Variants in FRMD5 observed in about 807,000 individuals in gnomAD.
The protein encoded by FRMD5 is FERM domain containing 5, also known as FERM domain-containing protein 5.
Under a neutral mutation model 69.0 loss-of-function variants are expected in FRMD5, and 20 were observed. The ratio of observed to expected loss-of-function variants is 0.29; its 90% CI spans 0.20 to 0.42. FRMD5 has a LOEUF of 0.42. FRMD5 is among the 10% of genes least tolerant of loss of function. The pLI is 1.00. For missense variants in FRMD5, 595 were observed against 708.6 expected (o/e 0.84, Z 1.82); for synonymous variants, 271 against 260.1 (o/e 1.04, Z -0.40).
chr15:44,019,778 GAAAAAAGAAAGAAAGAA>G (rs1174495649), intron 1 of FRMD5, among the ~76,000 whole-genome samples: 1 of 105,294 alleles, frequency 9.5e-6, no homozygotes, highest in African/African-American at 3.6e-5. Context: ...GAAAAGAAAA[GAAAAAAGAAAGAAAGAA>G]AAAAAAGAAC....
chr15:44,193,762 C>T (rs2078234151), intron 1 of FRMD5, among the ~76,000 whole-genome samples: 1 of 152,242 alleles, frequency 6.6e-6, no homozygotes, highest in African/African-American at 2.4e-5. Context: ...TGCTCTCATA[C>T]ACTACCCAGT....
intron 8 of FRMD5, among the ~76,000 whole-genome samples, chr15:43,889,281 C>T (rs2088740355): frequency 6.6e-6 from 1 of 152,144 alleles, no homozygotes; most frequent in Non-Finnish European, 1.5e-5. Flanking sequence ...CAAGATACAG[C>T]AAATAATGAG....
Position 43,989,993 on chromosome 15 carries a change from T to C in FRMD5, c.103-65684A>G, listed in dbSNP as rs1889593152. 11 of 977,116 alleles carry C rather than the reference T, an allele frequency of 1.1e-5. No homozygotes were observed. In the Admixed American group the frequency reaches 1.4e-4, roughly 12 times the overall value. The allele number at this position is 977,116 out of a possible 1,614,324, so 60.5% of individuals were successfully genotyped here. On this transcript the variant is annotated intron_variant, in intron 1 of 13. Transcript: ENST00000417257. The stretch of plus-strand genomic sequence containing the variant: ...TTGATGGGGTACTTCAGGGTCAGGA[T>C]GCCTCTCTTGCTCTGGACCTCGTTG...
chr15:44,027,569 T>C (rs1243887263), intron 1 of FRMD5, among the ~76,000 whole-genome samples: 1 of 152,042 alleles, frequency 6.6e-6, no homozygotes, highest in African/African-American at 2.4e-5. Context: ...GCCCTGATTT[T>C]GGTCATGCCA....
intron 1 of FRMD5, among the ~76,000 whole-genome samples, chr15:44,009,333 G>C (rs1890608332): frequency 6.6e-6 from 1 of 152,176 alleles, no homozygotes; most frequent in Non-Finnish European, 1.5e-5. Context: ...CTTTGTAGGA[G>C]TGAAAAAGAA....
chr15:44,150,272 T>G (rs1163604042), intron 1 of FRMD5, among the ~76,000 whole-genome samples: 1 of 152,138 alleles, frequency 6.6e-6, no homozygotes, highest in African/African-American at 2.4e-5. Context: ...CTCTCACCAC[T>G]GCTATTTAAT....
intron 1 of FRMD5, among the ~76,000 whole-genome samples, chr15:44,040,279 G>A (rs1009478370): frequency 5.3e-5 from 8 of 152,048 alleles, no homozygotes; most frequent in Admixed American, 3.9e-4. Flanking sequence ...AACCTAACAA[G>A]GCATGCCAAC....
rs1438965728 is a variant in FRMD5 at position 44,035,640 on chromosome 15, G to A, written c.103-111331C>T. 1.4e-4 allele frequency among the ~76,000 whole-genome samples: 21 copies of A among 152,310 alleles called. No homozygotes were observed. In the South Asian group the frequency reaches 4.3e-3, roughly 32 times the overall value. ...TTATTAATGTTGCTAGGGTAAAACA[G>A]AAGTAATAAAATTTGGAGACCCTTT... is the stretch of plus-strand genomic sequence containing the variant. On this transcript the variant is annotated intron_variant, in intron 1 of 13. Transcript: ENST00000417257.
intron 1 of FRMD5, among the ~76,000 whole-genome samples, chr15:44,010,451 G>A (rs1489520905): frequency 6.8e-6 from 1 of 146,856 alleles, no homozygotes; most frequent in Non-Finnish European, 1.5e-5. Flanking sequence ...AAGCTGGAGT[G>A]CAGTGGCACG....
At position 43,976,263 on chromosome 15, in the gene FRMD5, T is replaced by C. The variant is rs78757725; in HGVS notation, c.103-51954A>G. ...ACACAACCCATAAAAAACAAATAAA[T>C]GTCTACTCATAAAATAAATGGATAT... On this transcript the variant is annotated intron_variant, in intron 1 of 13. Transcript: ENST00000417257. 2.3e-3 allele frequency among the ~76,000 whole-genome samples: 353 copies of C among 152,116 alleles called. 7 individuals are homozygous for C. The East Asian group carries it at 0.06, about 26-fold the overall frequency.
At chr15:43,887,770 C>A (rs1020561698) in intron 10 of FRMD5, among the ~76,000 whole-genome samples, 3 of 152,198 alleles carry the variant, frequency 2.0e-5, no homozygotes, top group African/African-American at 7.2e-5. Flanking sequence ...GCAGGGCTCA[C>A]CCCAGGTAGA....
intron 1 of FRMD5, among the ~76,000 whole-genome samples, chr15:44,192,424 A>G (rs1354458003): frequency 6.6e-6 from 1 of 152,224 alleles, no homozygotes; most frequent in Admixed American, 6.5e-5. Context: ...AATATGGCAT[A>G]CAACACTTTA....
chr15:44,179,955 T>C (rs559337312), intron 1 of FRMD5, among the ~76,000 whole-genome samples: 9 of 150,886 alleles, frequency 6.0e-5, no homozygotes, highest in African/African-American at 2.0e-4. Flanking sequence ...GGGAGGATCA[T>C]TTGAGGCCAG....
chr15:44,110,765 C>T (rs1034129479), intron 1 of FRMD5, among the ~76,000 whole-genome samples: 42 of 152,190 alleles, frequency 2.8e-4, no homozygotes, highest in African/African-American at 1.0e-3. Context: ...CACTTCCTTG[C>T]CTTATGATCT....
At chr15:44,186,461 A>C (rs1297178666) in intron 1 of FRMD5, among the ~76,000 whole-genome samples, 1 of 152,178 alleles carries the variant, frequency 6.6e-6, no homozygotes, top group Non-Finnish European at 1.5e-5. Flanking sequence ...AATTTGCCTG[A>C]CTAAGGAGTG....
intron 1 of FRMD5, among the ~76,000 whole-genome samples, chr15:43,999,963 T>TATATATATATATGCCATGC (rs1890124985): frequency 1.3e-5 from 1 of 75,990 alleles, no homozygotes; most frequent in African/African-American, 7.6e-5. Context: ...CATATATATA[T>TATATATATATATGCCATGC]ATATATATAT....
At chr15:43,986,226 C>T (rs1193965179) in intron 1 of FRMD5, among the ~76,000 whole-genome samples, 1 of 152,158 alleles carries the variant, frequency 6.6e-6, no homozygotes, top group Admixed American at 6.5e-5. Context: ...AGTTAATGCA[C>T]AAACAACAAA....
chr15:44,011,477 G>T (rs1477483195), intron 1 of FRMD5, among the ~76,000 whole-genome samples: 2 of 152,176 alleles, frequency 1.3e-5, no homozygotes, highest in East Asian at 3.9e-4. Flanking sequence ...ATAGAAGAAG[G>T]TCGGACAGAT....
chr15:44,086,239 G>A (rs1232598381), intron 1 of FRMD5, among the ~76,000 whole-genome samples: 1 of 152,042 alleles, frequency 6.6e-6, no homozygotes, highest in Non-Finnish European at 1.5e-5. Context: ...ATTAAAAGCA[G>A]GTGTTCAAAT....
Sources: allele counts gnomAD v4.1 joint callset (sites outside exome capture counted in the v4.1 genomes callset), GRCh38; gene constraint gnomAD v4.1.1; transcripts MANE v1.5; gene names NCBI Gene and HGNC (gene_info 2026-07-23, HGNC 2026-07-21).